Variants in NRG4 observed in about 807,000 individuals in gnomAD.
The protein encoded by NRG4 is pro-neuregulin-4, membrane-bound isoform.
NRG4 carries 10 observed loss-of-function variants against 15.0 expected under a neutral mutation model. That is an observed-to-expected ratio of 0.67 (90% CI 0.41 to 1.13). The LOEUF (loss-of-function observed/expected upper bound fraction) is 1.13. Among genes scored for constraint, NRG4 ranks in the 50% most tolerant of loss-of-function variants. The pLI is 0.00. For missense variants in NRG4, 139 were observed against 140.2 expected (o/e 0.99, Z 0.04); for synonymous variants, 41 against 50.1 (o/e 0.82, Z 0.77).
At chr15:75,988,754 G>A (rs1312174465) in intron 3 of NRG4, among the ~76,000 whole-genome samples, 2 of 152,060 alleles carry the variant, frequency 1.3e-5, no homozygotes, top group African/African-American at 4.8e-5. Flanking sequence ...CAGAGGAAGT[G>A]GGTTTAGAGA....
intron 4 of NRG4, among the ~76,000 whole-genome samples, chr15:76,043,097 C>T (rs2035785033): frequency 6.6e-6 from 1 of 152,054 alleles, no homozygotes; most frequent in Admixed American, 6.5e-5. Flanking sequence ...TGATAAAATT[C>T]AACATTTCAT....
chr15:75,952,651 T>C (rs1032344190), intron 5 of NRG4, among the ~76,000 whole-genome samples: 2 of 151,856 alleles, frequency 1.3e-5, no homozygotes, highest in Admixed American at 1.3e-4. Context: ...CTCAAACTCC[T>C]GGGCTCAAGT....
At chr15:75,997,293 A>C (rs2034251404) in intron 3 of NRG4, among the ~76,000 whole-genome samples, 1 of 152,108 alleles carries the variant, frequency 6.6e-6, no homozygotes, top group Non-Finnish European at 1.5e-5. Context: ...TATTGCAAAG[A>C]TATTCTTCAT....
chr15:75,947,732 G>A (rs2031622572), intron 5 of NRG4, among the ~76,000 whole-genome samples: 1 of 152,140 alleles, frequency 6.6e-6, no homozygotes, highest in Non-Finnish European at 1.5e-5. Flanking sequence ...TTTTCTTAAA[G>A]TGGTCGCACA....
At chr15:76,005,679 GA>G (rs776504828) in intron 3 of NRG4, 13,873 of 151,154 alleles carry the variant, frequency 0.092, 13 homozygotes, top group South Asian at 0.11. Context: ...CTCTGTCTCA[GA>G]AAAAAAAAAA....
chr15:76,012,761 T>G (rs556302515), upstream of NRG4, among the ~76,000 whole-genome samples: 4 of 151,814 alleles, frequency 2.6e-5, no homozygotes, highest in East Asian at 5.8e-4. Flanking sequence ...TTTTTTAAAT[T>G]TATGTTTTAT....
intron 3 of NRG4, among the ~76,000 whole-genome samples, chr15:75,982,265 A>C (rs1275716391): frequency 6.6e-6 from 1 of 152,178 alleles, no homozygotes; most frequent in Non-Finnish European, 1.5e-5. Context: ...TACAATAAGA[A>C]TCAGCAGACC....
At chr15:76,052,351 T>C (rs2036040039) in intron 3 of NRG4, among the ~76,000 whole-genome samples, 1 of 151,184 alleles carries the variant, frequency 6.6e-6, no homozygotes, top group Non-Finnish European at 1.5e-5. Context: ...ACATGTTTAA[T>C]TTTTCCCCCT....
downstream of NRG4, chr15:75,940,454 T>A (rs1241819456): frequency 1.6e-5 from 1 of 62,054 alleles, no homozygotes; most frequent in Non-Finnish European, 3.6e-5. Flanking sequence ...AATCCTAGGA[T>A]TTTTTTTTTT....
At chr15:75,973,897 G>A (rs576467712) in intron 3 of NRG4, among the ~76,000 whole-genome samples, 1 of 152,148 alleles carries the variant, frequency 6.6e-6, no homozygotes, top group Non-Finnish European at 1.5e-5. Flanking sequence ...GATTTAGGGA[G>A]GAGTCCCTCT....
chr15:75,997,966 C>T (rs1402363293), intron 3 of NRG4, among the ~76,000 whole-genome samples: 3 of 152,188 alleles, frequency 2.0e-5, no homozygotes, highest in Admixed American at 2.0e-4. Context: ...ACAGCCTCTG[C>T]CACAGGGCTG....
chr15:75,948,724 T>C (rs1297186809), intron 5 of NRG4, among the ~76,000 whole-genome samples: 1 of 152,124 alleles, frequency 6.6e-6, no homozygotes, highest in East Asian at 1.9e-4. Context: ...TACTGAGGTA[T>C]AATCTACAAC....
At chr15:76,046,909 A>G (rs1195113309) in intron 4 of NRG4, among the ~76,000 whole-genome samples, 1 of 151,044 alleles carries the variant, frequency 6.6e-6, no homozygotes, top group Admixed American at 6.6e-5. Context: ...TATCCATTTG[A>G]CAAAGAATCA....
chr15:76,031,863 A>G (rs1241229202), intron 5 of NRG4, among the ~76,000 whole-genome samples: 1 of 152,184 alleles, frequency 6.6e-6, no homozygotes, highest in African/African-American at 2.4e-5. Flanking sequence ...TCAAATAAAT[A>G]AATAAATAAA....
Position 75,992,436 on chromosome 15 carries a change from C to A in NRG4, c.104+16764G>T, listed in dbSNP as rs60816540. ...ATAAATTATCTTAGTTTTTTCGTAC[C>A]TGAAAATGTCTTTATATTGCCTTCA... On this transcript the variant is annotated intron_variant, in intron 3 of 5. Coordinates refer to ENST00000394907, the MANE Select transcript of NRG4 (RefSeq NM_138573.4). Among the ~76,000 whole-genome samples the A allele has an allele frequency of 8.9e-3, 1,355 of 152,074 alleles. 25 individuals are homozygous for A. Among genetic ancestry groups the A allele is most frequent in the African/African-American group, 0.031 (1,301 of 41,468 alleles).
At chr15:76,005,646 C>G (rs954663328) in intron 3 of NRG4, 16 of 295,582 alleles carry the variant, frequency 5.4e-5, no homozygotes, top group African/African-American at 3.8e-4. Context: ...CGAGATCGCC[C>G]TACTGTACTC....
At chr15:76,042,261 A>T (rs1214323531) in intron 4 of NRG4, among the ~76,000 whole-genome samples, 1 of 152,118 alleles carries the variant, frequency 6.6e-6, no homozygotes, top group Non-Finnish European at 1.5e-5. Context: ...CTAATGAAGC[A>T]TCTAAAAGAA....
chr15:75,979,124 G>C (rs2033494671), intron 3 of NRG4, among the ~76,000 whole-genome samples: 1 of 152,120 alleles, frequency 6.6e-6, no homozygotes, highest in African/African-American at 2.4e-5. Context: ...TTTCTAGCCT[G>C]ATGTAATCCC....
At chr15:75,959,268 C>A in intron 4 of NRG4, 1 of 198,686 alleles carries the variant, frequency 5.0e-6, no homozygotes, top group Non-Finnish European at 1.1e-5. Context: ...AGCCACAGCA[C>A]CTGGCCCAAG....
Sources: allele counts gnomAD v4.1 joint callset (sites outside exome capture counted in the v4.1 genomes callset), GRCh38; gene constraint gnomAD v4.1.1; transcripts MANE v1.5; gene names NCBI Gene and HGNC (gene_info 2026-07-23, HGNC 2026-07-21).